PTPRF: variants seen among roughly 807,000 people sequenced by gnomAD.
PTPRF encodes the protein receptor-type tyrosine-protein phosphatase F.
In PTPRF, 59 loss-of-function variants were observed where a neutral mutation model predicts 201.8. That is an observed-to-expected ratio of 0.29 (90% CI 0.24 to 0.36). The LOEUF (loss-of-function observed/expected upper bound fraction) is 0.36. PTPRF is among the 10% of genes least tolerant of loss of function. The pLI is 1.00. For missense variants in PTPRF, 2,132 were observed against 2,690.5 expected (o/e 0.79, Z 4.59); for synonymous variants, 1,088 against 1,089.7 (o/e 1.00, Z 0.03).
At position 43,621,104 on chromosome 1, in the gene PTPRF, G is replaced by A. The variant is rs1212745213; in HGVS notation, c.5527G>A (p.Val1843Met). 2 of 1,614,060 alleles carry A rather than the reference G, an allele frequency of 1.2e-6. No homozygotes were observed. Among genetic ancestry groups the A allele is most frequent in the African/African-American group, 1.3e-5 (1 of 74,952 alleles). The stretch of plus-strand genomic sequence containing the variant: ...AACTGTGTTTCTGAGCAGTGCTGGC[G>A]TGGGCCGCACCGGGGTGTTCATCAC... ...GPITVHCSAG[V>M]GRTGVFITLS... The change falls in exon 33 of 34, where the codon GTG becomes ATG. Residue 1843 changes from valine (V) to methionine (M), a missense_variant. This residue lies in a region of PTPRF where 519 missense variants were observed against 659.5 expected (regional missense o/e 0.79). Coordinates refer to ENST00000359947, the MANE Select transcript of PTPRF (RefSeq NM_002840.5).
chr1:43,557,080 G>T lies in PTPRF; in HGVS notation c.379+3139G>T, dbSNP rs561988154. On this transcript the variant is annotated intron_variant, in intron 5 of 33. Coordinates refer to ENST00000359947, the MANE Select transcript of PTPRF (RefSeq NM_002840.5). ...TCCTATTGGCAGCTGTCCTAGCAGG[G>T]AGCCATCTGCCCTGCCCTGGCATTT... Among the ~76,000 whole-genome samples the T allele has an allele frequency of 1.4e-3, 213 of 152,350 alleles. 1 individual carries two copies. Among genetic ancestry groups the T allele is most frequent in the Non-Finnish European group, 2.6e-3 (180 of 68,028 alleles).
At chr1:43,540,535 G>A (rs1039043885) in intron 2 of PTPRF, among the ~76,000 whole-genome samples, 5 of 152,308 alleles carry the variant, frequency 3.3e-5, no homozygotes, top group South Asian at 4.1e-4. Flanking sequence ...GGTTACAGCC[G>A]CAGGAAGATA....
chr1:43,608,248 T>A (rs1458100399), intron 21 of PTPRF, among the ~76,000 whole-genome samples: 1 of 152,222 alleles, frequency 6.6e-6, no homozygotes, highest in East Asian at 1.9e-4. Context: ...GGTCCCCATG[T>A]CATTAGAGGG....
Position 43,591,487 on chromosome 1 carries a change from C to T in PTPRF, c.1465C>T (p.Leu489Phe). Residue 489 changes from leucine (L) to phenylalanine (F), a missense_variant, in exon 9 of 34, where the codon CTT becomes TTT. Physicochemically the swap from Leu to Phe is conservative, Grantham distance 22. Coordinates refer to ENST00000359947, the MANE Select transcript of PTPRF (RefSeq NM_002840.5). ...TGGCATCACCTACAGCCTGCGCGTG[C>T]TTGCCTTCACCGCCGTGGGCGATGG... is the stretch of plus-strand genomic sequence containing the variant. Reference protein sequence around the residue: ...LPGITYSLRVLAFTAVGDGPP... With the variant: ...LPGITYSLRVFAFTAVGDGPP... The T allele has an allele frequency of 6.3e-7, 1 of 1,599,736 alleles. No homozygotes were observed. The highest frequency in any genetic ancestry group is 8.5e-7 in the Non-Finnish European group (1 of 1,175,466).
At position 43,603,334 on chromosome 1, in the gene PTPRF, G is replaced by C. The variant is rs1654248179; in HGVS notation, c.2341-82G>C. 4 of 1,304,502 alleles carry C rather than the reference G, an allele frequency of 3.1e-6. No homozygotes were observed. The highest frequency in any genetic ancestry group is 1.5e-5 in the African/African-American group (1 of 68,654). The allele number at this position is 1,304,502 out of a possible 1,614,324, so 80.8% of individuals were successfully genotyped here. On this transcript the variant is annotated intron_variant, in intron 14 of 33. Transcript: ENST00000359947. This position sits in a 1 kb window ranked among gnomAD's most constrained non-coding sequence, Gnocchi z 5.8. ...CTTGTGTGCCCCGGGGCTCCCCTCA[G>C]GCTAGGGTCCTGAGGTCCCTGACAA...
At position 43,621,248 on chromosome 1, in the gene PTPRF, C is replaced by T. The variant is rs771950255; in HGVS notation, c.5655+16C>T. ...GCAGACAGAGGTAACGCAGACCAGG[C>T]TGCAGGGCCAGGGCCTTGGCAGCAG... On this transcript the variant is annotated intron_variant, in intron 33 of 33. Transcript: ENST00000359947. 6.2e-7 allele frequency: 1 copy of T among 1,612,698 alleles called. No individual in the cohort carries two copies. The highest frequency in any genetic ancestry group is 1.1e-5 in the South Asian group (1 of 91,010).
chr1:43,528,145 C>T (rs1643196373), upstream of PTPRF, among the ~76,000 whole-genome samples: 3 of 152,296 alleles, frequency 2.0e-5, 1 homozygote, highest in South Asian at 6.2e-4. Flanking sequence ...CAAACAGGTA[C>T]AGTTGGCTCT....
intron 2 of PTPRF, among the ~76,000 whole-genome samples, chr1:43,541,505 A>AGT (rs1208301286): frequency 3.3e-5 from 5 of 152,218 alleles, no homozygotes; most frequent in Admixed American, 2.0e-4. Flanking sequence ...CCCTCAAAGC[A>AGT]GTGATTCCCA....
In PTPRF at chr1:43,619,680, T is replaced by C; in HGVS notation, c.4933T>C (p.Leu1645=). The C allele has an allele frequency of 6.2e-7, 1 of 1,613,966 alleles. No homozygotes were observed. The highest frequency in any genetic ancestry group is 8.5e-7 in the Non-Finnish European group (1 of 1,179,876). Residue 1645 remains leucine, a splice_region_variant and synonymous_variant, in exon 29 of 34, where the codon TTG becomes CTG. Coordinates refer to ENST00000359947, the MANE Select transcript of PTPRF (RefSeq NM_002840.5). The part of the protein sequence containing the change: ...SVTAMELEFK[L]LASSKAHTSR... The stretch of plus-strand genomic sequence containing the variant: ...CTGACCAATCCCTGCCTCTCAATAG[T>C]TGCTGGCCAGCTCCAAGGCCCACAC...
intron 5 of PTPRF, among the ~76,000 whole-genome samples, chr1:43,566,318 G>A (rs1411933861): frequency 6.6e-6 from 1 of 152,246 alleles, no homozygotes; most frequent in African/African-American, 2.4e-5. Context: ...CCTCATAAGG[G>A]TTTGGTAAAG....
At chr1:43,602,227 A>G (rs1392909419) in intron 14 of PTPRF, 130 bp downstream of exon 14, 2 of 1,187,302 alleles carry the variant, frequency 1.7e-6, no homozygotes, top group Admixed American at 1.9e-5. Context: ...ATCAGGAGAA[A>G]ATTGGCGTTT....
chr1:43,622,162 C>G lies in PTPRF; in HGVS notation c.*159C>G. The G allele has an allele frequency of 1.3e-6, 1 of 743,218 alleles. No homozygotes were observed. Among genetic ancestry groups the G allele is most frequent in the Non-Finnish European group, 2.2e-6 (1 of 447,870 alleles). 46.0% of individuals were successfully genotyped at this position (743,218 alleles called of 1,614,324 possible). Reference sequence around the variant, plus strand: ...ACAGCGTTTCAGGAACGTTGCCACACCAATCAGAGAGCCTAGAACATCCCT... The same window carrying G: ...ACAGCGTTTCAGGAACGTTGCCACAGCAATCAGAGAGCCTAGAACATCCCT... On this transcript the variant is annotated 3_prime_UTR_variant, in exon 34 of 34. Transcript: ENST00000359947.
upstream of PTPRF, among the ~76,000 whole-genome samples, chr1:43,528,199 ATT>A (rs954559051): frequency 4.6e-5 from 7 of 152,024 alleles, no homozygotes; most frequent in Admixed American, 1.3e-4. Flanking sequence ...CTTTTATTTT[ATT>A]TTATTTTTTA....
intron 5 of PTPRF, among the ~76,000 whole-genome samples, chr1:43,560,308 T>C (rs978225756): frequency 6.6e-6 from 1 of 151,058 alleles, no homozygotes; most frequent in African/African-American, 2.4e-5. Context: ...CAGCAGGCCA[T>C]GTGTGTGGTG....
chr1:43,574,313 T>C (rs1168502228), intron 6 of PTPRF, among the ~76,000 whole-genome samples: 2 of 152,178 alleles, frequency 1.3e-5, no homozygotes, highest in African/African-American at 2.4e-5. Context: ...GGGTTATTTC[T>C]ATTGATGTTT....
intron 7 of PTPRF, among the ~76,000 whole-genome samples, chr1:43,582,315 G>A (rs1402850115): frequency 6.6e-6 from 1 of 152,238 alleles, no homozygotes. Context: ...ACTGTGGGGG[G>A]ATGTGTCATC....
chr1:43,564,243 G>C (rs954435068), intron 5 of PTPRF, among the ~76,000 whole-genome samples: 2 of 152,184 alleles, frequency 1.3e-5, no homozygotes, highest in African/African-American at 4.8e-5. Flanking sequence ...GGAGCGTGCA[G>C]ATCTGGCAGC....
Position 43,603,733 on chromosome 1 carries a change from G to A in PTPRF, c.2581G>A (p.Asp861Asn), listed in dbSNP as rs775437828. The A allele has an allele frequency of 6.2e-6, 10 of 1,613,660 alleles. No homozygotes were observed. The highest frequency in any genetic ancestry group is 4.4e-5 in the South Asian group (4 of 91,082). Residue 861 changes from aspartate (D) to asparagine (N), a missense_variant, in exon 16 of 34, where the codon GAC becomes AAC. Physicochemically the swap from Asp to Asn is conservative, Grantham distance 23 (BLOSUM62 1). Coordinates refer to ENST00000359947, the MANE Select transcript of PTPRF (RefSeq NM_002840.5). The surrounding 1 kb of genome is among the most constrained non-coding windows in gnomAD (Gnocchi z 5.8). Reference protein sequence around the residue: ...LGYRLQYCRADEARPNTIDFG... With the variant: ...LGYRLQYCRANEARPNTIDFG... ...CTACCGGCTGCAGTACTGCCGGGCCGACGAGGCGCGGCCCAACACCATAGA... is the reference window on the plus strand; with the variant it reads ...CTACCGGCTGCAGTACTGCCGGGCCAACGAGGCGCGGCCCAACACCATAGA...
chr1:43,551,362 G>C (rs573436160), intron 3 of PTPRF, among the ~76,000 whole-genome samples: 1 of 152,164 alleles, frequency 6.6e-6, no homozygotes, highest in South Asian at 2.1e-4. Context: ...TCTGGAAGGC[G>C]CAACAGAGGC....
Sources: allele counts gnomAD v4.1 joint callset (sites outside exome capture counted in the v4.1 genomes callset), GRCh38; gene constraint gnomAD v4.1.1; regional missense constraint gnomAD v4.1.1; non-coding constraint Gnocchi (gnomAD v3.1); transcripts MANE v1.5; gene names NCBI Gene and HGNC (gene_info 2026-07-23, HGNC 2026-07-21).